ACSL3: variants seen among roughly 807,000 people sequenced by gnomAD.
ACSL3 encodes the protein fatty acid CoA ligase Acsl3.
In ACSL3, 34 loss-of-function variants were observed where a neutral mutation model predicts 84.7. The ratio of observed to expected loss-of-function variants is 0.40; its 90% CI spans 0.31 to 0.53. The LOEUF (loss-of-function observed/expected upper bound fraction) is 0.53. ACSL3 is among the 20% of genes least tolerant of loss of function. ACSL3 has a pLI of 0.48. For synonymous variants in ACSL3, 315 were observed against 299.4 expected (o/e 1.05, Z -0.54); for missense variants, 680 against 873.1 (o/e 0.78, Z 2.79).
intron 1 of ACSL3, among the ~76,000 whole-genome samples, chr2:222,882,794 C>T (rs148355870): frequency 0.013 from 1,668 of 127,644 alleles, 34 homozygotes; most frequent in African/African-American, 0.046. Context: ...GACAGATTCT[C>T]GCTCTGTCGC....
At chr2:222,885,174 C>G (rs1279706150) in intron 1 of ACSL3, among the ~76,000 whole-genome samples, 1 of 152,150 alleles carries the variant, frequency 6.6e-6, no homozygotes, top group Non-Finnish European at 1.5e-5. Flanking sequence ...TAGGACCTGT[C>G]ACCTTGGGCC....
In ACSL3 at chr2:222,861,094, G is replaced by C. The variant is rs1008351766; in HGVS notation, c.-371G>C. 2 of 152,248 alleles carry C rather than the reference G, an allele frequency of 1.3e-5. No homozygotes were observed. The highest frequency in any genetic ancestry group is 2.9e-5 in the Non-Finnish European group (2 of 68,074). 9.4% of individuals were successfully genotyped at this position (152,248 alleles called of 1,614,324 possible). ...TGCAGTTGTCTACGCGGCCGGGGCC[G>C]GGACGAGGAGGCGTTGGACGGGGTC... On this transcript the variant is annotated 5_prime_UTR_variant, in exon 1 of 17. Transcript: ENST00000357430.
intron 16 of ACSL3, among the ~76,000 whole-genome samples, chr2:222,937,984 TAC>T (rs1219105506): frequency 2.0e-5 from 3 of 152,274 alleles, no homozygotes; most frequent in Admixed American, 6.5e-5. Context: ...TGGTTGTCAA[TAC>T]AGTTACATAA....
chr2:222,924,003 A>G (rs1312169703), intron 10 of ACSL3, among the ~76,000 whole-genome samples: 1 of 152,208 alleles, frequency 6.6e-6, no homozygotes, highest in Non-Finnish European at 1.5e-5. Flanking sequence ...AAAAACTCCC[A>G]AACGTTGCAT....
At chr2:222,938,629 T>C (rs1258389009) in intron 16 of ACSL3, among the ~76,000 whole-genome samples, 1 of 152,142 alleles carries the variant, frequency 6.6e-6, no homozygotes, top group Non-Finnish European at 1.5e-5. Flanking sequence ...GTTCTCTTCC[T>C]AGTGGAGTGT....
Position 222,908,716 on chromosome 2 carries a change from C to T in ACSL3, c.-40-17C>T, listed in dbSNP as rs1462076970. On this transcript the variant is annotated splice_polypyrimidine_tract_variant and intron_variant, in intron 3 of 16. Transcript: ENST00000357430. ...AAAATGATTTTGAACTAACGCCTTT[C>T]TTTTTCTTCCTCCTAGATTCTCGCT... The T allele has an allele frequency of 8.9e-6, 13 of 1,465,152 alleles. No individual in the cohort carries two copies. In the Admixed American group the frequency reaches 1.7e-4, roughly 20 times the overall value. The allele number at this position is 1,465,152 out of a possible 1,614,324, so 90.8% of individuals were successfully genotyped here.
intron 2 of ACSL3, among the ~76,000 whole-genome samples, chr2:222,888,501 C>T (rs921799373): frequency 1.3e-5 from 2 of 152,140 alleles, no homozygotes; most frequent in African/African-American, 2.4e-5. Context: ...TTGATGATGA[C>T]GTAAAGGCAG....
At chr2:222,888,909 CTT>C (rs995876701) in intron 2 of ACSL3, among the ~76,000 whole-genome samples, 2 of 152,148 alleles carry the variant, frequency 1.3e-5, no homozygotes, top group African/African-American at 4.8e-5. Flanking sequence ...GCCTGCGTCT[CTT>C]TGAGGGATAT....
chr2:222,915,731 A>C lies in ACSL3; in HGVS notation c.379-588A>C, dbSNP rs541349643. 2.0e-5 allele frequency among the ~76,000 whole-genome samples: 3 copies of C among 152,332 alleles called. No individual in the cohort carries two copies. The South Asian group carries it at 6.2e-4, about 32-fold the overall frequency. The stretch of plus-strand genomic sequence containing the variant: ...GAATAGAGGGACTTTGAATAATATA[A>C]CTAGTCCACCTGGTTATGTAAACAG... On this transcript the variant is annotated intron_variant, in intron 4 of 16. Coordinates refer to ENST00000357430, the MANE Select transcript of ACSL3 (RefSeq NM_004457.5).
intron 1 of ACSL3, among the ~76,000 whole-genome samples, chr2:222,873,861 T>G (rs778110740): frequency 6.6e-6 from 1 of 152,110 alleles, no homozygotes; most frequent in Non-Finnish European, 1.5e-5. Context: ...TTTTTCTTCA[T>G]TAAATATTCA....
At chr2:222,889,169 A>C (rs1433396264) in intron 2 of ACSL3, among the ~76,000 whole-genome samples, 1 of 152,186 alleles carries the variant, frequency 6.6e-6, no homozygotes, top group Non-Finnish European at 1.5e-5. Flanking sequence ...ATTACTGTTG[A>C]GGATCAGCTA....
At chr2:222,937,039 G>T (rs1697190773) in intron 16 of ACSL3, among the ~76,000 whole-genome samples, 1 of 152,136 alleles carries the variant, frequency 6.6e-6, no homozygotes, top group African/African-American at 2.4e-5. Flanking sequence ...TGAGATTTGG[G>T]TGGGGACCCA....
intron 3 of ACSL3, among the ~76,000 whole-genome samples, chr2:222,902,128 A>G (rs1233311031): frequency 6.6e-6 from 1 of 152,126 alleles, no homozygotes; most frequent in African/African-American, 2.4e-5. Flanking sequence ...CTTTTTTCAT[A>G]TCCAACTTAT....
chr2:222,889,770 T>C (rs566504983), intron 2 of ACSL3, among the ~76,000 whole-genome samples: 8 of 152,312 alleles, frequency 5.3e-5, no homozygotes, highest in African/African-American at 1.9e-4. Context: ...TGGATTCCTT[T>C]TTTCTGTGTC....
intron 15 of ACSL3, 143 bp downstream of exon 15, chr2:222,933,423 A>T (rs6726737): frequency 8.7e-4 from 488 of 562,662 alleles, no homozygotes; most frequent in South Asian, 1.4e-3. Flanking sequence ...TTCTCATTGC[A>T]GCCATTAGCT....
chr2:222,901,944 A>AG, intron 3 of ACSL3, among the ~76,000 whole-genome samples: 1 of 31,456 alleles, frequency 3.2e-5, no homozygotes, highest in Non-Finnish European at 5.0e-5. Flanking sequence ...ACTCGGTCTC[A>AG]AAAAAAAAAA....
intron 4 of ACSL3, among the ~76,000 whole-genome samples, chr2:222,915,156 C>T (rs1386061839): frequency 6.6e-6 from 1 of 152,168 alleles, no homozygotes; most frequent in Non-Finnish European, 1.5e-5. Flanking sequence ...GCCAAGTTGT[C>T]ATCTGTCTTC....
intron 1 of ACSL3, among the ~76,000 whole-genome samples, chr2:222,864,002 C>T (rs1695077163): frequency 6.6e-6 from 1 of 151,424 alleles, no homozygotes; most frequent in African/African-American, 2.4e-5. Context: ...GCTAGCATAT[C>T]TCATCTGATC....
At chr2:222,924,126 T>C (rs1696813247) in intron 10 of ACSL3, among the ~76,000 whole-genome samples, 1 of 152,224 alleles carries the variant, frequency 6.6e-6, no homozygotes. Context: ...TAGGTTTTAG[T>C]TCAGAATTAG....
Sources: gnomAD v4.1 joint callset for allele counts (sites outside exome capture counted in the v4.1 genomes callset) on GRCh38, gnomAD v4.1.1 for gene constraint, MANE v1.5 for transcripts, NCBI Gene and HGNC (gene_info 2026-07-23, HGNC 2026-07-21) for gene names.